CDH20: variants seen among roughly 807,000 people sequenced by gnomAD.
CDH20 encodes the protein cadherin-20.
Under a neutral mutation model 74.2 loss-of-function variants are expected in CDH20, and 29 were observed. That is an observed-to-expected ratio of 0.39 (90% CI 0.29 to 0.53). CDH20 has a LOEUF of 0.53. Among genes scored for constraint, CDH20 ranks in the 20% least tolerant of loss-of-function variants. The pLI, the probability that CDH20 is intolerant of heterozygous loss-of-function variation, is 0.69. For synonymous variants in CDH20, 469 were observed against 405.4 expected, an observed-to-expected ratio of 1.16 and a Z score of -1.88; for missense variants, 988 against 1,048.3, an observed-to-expected ratio of 0.94 and a Z score of 0.79.
At position 61,500,444 on chromosome 18, in the gene CDH20, C is replaced by G; in HGVS notation, c.603C>G (p.Ala201=). ...DADDPTYGNS[A]RVVYSILQGQ... ...ATGACCCGACCTACGGCAACAGTGC[C>G]AGGGTGGTGTACAGCATTCTTCAGG... The change falls in exon 4 of 12, where the codon GCC becomes GCG. Residue 201 remains alanine, a synonymous_variant. Transcript: ENST00000262717. 1.2e-6 allele frequency: 2 copies of G among 1,613,144 alleles called. No individual in the cohort carries two copies. Among genetic ancestry groups the G allele is most frequent in the Non-Finnish European group, 1.7e-6 (2 of 1,179,354 alleles).
chr18:61,454,420 T>C (rs1167601828), intron 1 of CDH20, among the ~76,000 whole-genome samples: 1 of 152,160 alleles, frequency 6.6e-6, no homozygotes, highest in East Asian at 1.9e-4. Flanking sequence ...CCAGGACCTG[T>C]CTGGAATGAA....
At chr18:61,372,914 A>G (rs1016031568) in intron 1 of CDH20, among the ~76,000 whole-genome samples, 17 of 152,126 alleles carry the variant, frequency 1.1e-4, no homozygotes, top group Non-Finnish European at 2.5e-4. Context: ...TGATAATCGT[A>G]TGACAAAGCC....
intron 1 of CDH20, among the ~76,000 whole-genome samples, chr18:61,335,046 C>A (rs1393766087): frequency 6.6e-6 from 1 of 152,038 alleles, no homozygotes; most frequent in African/African-American, 2.4e-5. Flanking sequence ...ATTGGATCTA[C>A]CTAAGAACAA....
chr18:61,419,698 T>A (rs1180000564), intron 1 of CDH20, among the ~76,000 whole-genome samples: 1 of 152,184 alleles, frequency 6.6e-6, no homozygotes, highest in African/African-American at 2.4e-5. Context: ...CCCATCTTTA[T>A]AGGTCATGAT....
At chr18:61,427,885 A>G (rs1913125462) in intron 1 of CDH20, among the ~76,000 whole-genome samples, 1 of 152,196 alleles carries the variant, frequency 6.6e-6, no homozygotes, top group Non-Finnish European at 1.5e-5. Context: ...AAGCCTAAAT[A>G]AAGCTTCTAA....
At chr18:61,531,867 G>A (rs1425543751) in intron 7 of CDH20, among the ~76,000 whole-genome samples, 2 of 152,120 alleles carry the variant, frequency 1.3e-5, no homozygotes, top group Non-Finnish European at 2.9e-5. Context: ...ACATGTTTGC[G>A]TCCCTTTCCA....
At chr18:61,431,999 T>C (rs1002597479) in intron 1 of CDH20, among the ~76,000 whole-genome samples, 1 of 151,936 alleles carries the variant, frequency 6.6e-6, no homozygotes, top group Non-Finnish European at 1.5e-5. Context: ...CACTTTGGGA[T>C]GTCGAGGCGG....
intron 8 of CDH20, 94 bp downstream of exon 8, chr18:61,536,723 A>G: frequency 1.8e-6 from 2 of 1,098,200 alleles, no homozygotes; most frequent in Non-Finnish European, 2.7e-6. Flanking sequence ...CAAAAATTAT[A>G]TCCTTTAAGG....
At chr18:61,440,438 A>G (rs1908990581) in intron 1 of CDH20, among the ~76,000 whole-genome samples, 1 of 152,188 alleles carries the variant, frequency 6.6e-6, no homozygotes, top group Non-Finnish European at 1.5e-5. Flanking sequence ...TTTGTTTCAC[A>G]GCTTTATTGC....
At chr18:61,484,228 G>A (rs1181607271) in intron 1 of CDH20, among the ~76,000 whole-genome samples, 1 of 152,198 alleles carries the variant, frequency 6.6e-6, no homozygotes, top group African/African-American at 2.4e-5. Flanking sequence ...CATAAAACAG[G>A]AAATTAGTAG....
intron 6 of CDH20, among the ~76,000 whole-genome samples, chr18:61,516,088 C>T (rs1452507424): frequency 1.3e-5 from 2 of 152,138 alleles, no homozygotes; most frequent in Non-Finnish European, 2.9e-5. Context: ...CCTTTGCCTC[C>T]CTTTGACACT....
At chr18:61,399,834 G>A (rs1270998517) in intron 1 of CDH20, among the ~76,000 whole-genome samples, 1 of 152,154 alleles carries the variant, frequency 6.6e-6, no homozygotes, top group African/African-American at 2.4e-5. Context: ...GGCAAAGCTG[G>A]TTATGACTCA....
chr18:61,446,627 G>A (rs1436001854), intron 1 of CDH20, among the ~76,000 whole-genome samples: 1 of 151,954 alleles, frequency 6.6e-6, no homozygotes, highest in Non-Finnish European at 1.5e-5. Context: ...CTCAGATTAG[G>A]AGGTTCTTCT....
intron 1 of CDH20, among the ~76,000 whole-genome samples, chr18:61,430,284 A>T (rs1284530374): frequency 6.6e-6 from 1 of 152,156 alleles, no homozygotes; most frequent in African/African-American, 2.4e-5. Flanking sequence ...ATGGGTCTAC[A>T]TAGGGTCCTC....
intron 6 of CDH20, among the ~76,000 whole-genome samples, chr18:61,516,205 G>A (rs1407174309): frequency 2.0e-5 from 3 of 152,210 alleles, no homozygotes; most frequent in Non-Finnish European, 4.4e-5. Flanking sequence ...AATAAAATCT[G>A]CATATACTAT....
intron 4 of CDH20, among the ~76,000 whole-genome samples, chr18:61,502,294 A>C (rs746729102): frequency 1.3e-5 from 2 of 152,098 alleles, no homozygotes; most frequent in Non-Finnish European, 2.9e-5. Context: ...TCTCTGGGGA[A>C]ATTCATATCT....
Position 61,550,026 on chromosome 18 carries a change from A to G in CDH20, c.1697A>G (p.Glu566Gly). Residue 566 changes from glutamate (E) to glycine (G), a missense_variant, in exon 11 of 12, where the codon GAG (glutamate) becomes GGG (glycine). By Grantham distance (98) the Glu-to-Gly change is moderately conservative. Transcript: ENST00000262717. Reference protein sequence around the residue: ...LTRRSGFRQQEQSVFHLPILI... With the variant: ...LTRRSGFRQQGQSVFHLPILI... ...AGGAGGTCTGGTTTCCGGCAGCAGG[A>G]GCAGAGTGTCTTTCACCTGCCTATC... is the stretch of plus-strand genomic sequence containing the variant. The G allele has an allele frequency of 6.2e-7, 1 of 1,614,186 alleles. No homozygotes were observed. The highest frequency in any genetic ancestry group is 8.5e-7 in the Non-Finnish European group (1 of 1,180,030).
At chr18:61,384,832 A>G (rs577918114) in intron 1 of CDH20, among the ~76,000 whole-genome samples, 1 of 152,360 alleles carries the variant, frequency 6.6e-6, no homozygotes, top group East Asian at 1.9e-4. Flanking sequence ...CCATCAATAC[A>G]AGAATATCTA....
At chr18:61,374,815 G>A (rs563032531) in intron 1 of CDH20, among the ~76,000 whole-genome samples, 1 of 152,174 alleles carries the variant, frequency 6.6e-6, no homozygotes, top group East Asian at 1.9e-4. Context: ...CAGTCTTAGA[G>A]CATTTTGTAA....
Sources: allele counts gnomAD v4.1 joint callset (sites outside exome capture counted in the v4.1 genomes callset), GRCh38; gene constraint gnomAD v4.1.1; transcripts MANE v1.5; gene names NCBI Gene and HGNC (gene_info 2026-07-23, HGNC 2026-07-21).